The following SUGCT variants were observed in gnomAD, a reference collection of about 807,000 sequenced individuals.
SUGCT encodes the protein succinyl-CoA:glutarate CoA-transferase.
Under a neutral mutation model 55.0 loss-of-function variants are expected in SUGCT, and 41 were observed. The observed-to-expected ratio is 0.74, with a 90% CI of 0.58 to 0.97. SUGCT has a LOEUF of 0.97. SUGCT is among the 50% of genes least tolerant of loss of function. The probability of loss-of-function intolerance (pLI) is 0.00; values close to 1 mark genes in which losing one functional copy is unlikely to be tolerated. For missense variants in SUGCT, 568 were observed against 547.8 expected (o/e 1.04, Z -0.37); for synonymous variants, 187 against 200.4 (o/e 0.93, Z 0.56).
chr7:40,338,794 G>A (rs549893284), intron 9 of SUGCT, among the ~76,000 whole-genome samples: 27 of 152,334 alleles, frequency 1.8e-4, no homozygotes, highest in East Asian at 7.7e-4. Context: ...CTGGCAAGGA[G>A]CTGCATTCCT....
intron 1 of SUGCT, chr7:40,153,303 C>A: frequency 2.6e-6 from 1 of 390,914 alleles, no homozygotes; most frequent in South Asian, 2.3e-5. Flanking sequence ...AGTTTAGAGT[C>A]ATGTGCAACA....
At chr7:40,898,224 G>A in the SUGCT span, among the ~76,000 whole-genome samples, 1 of 152,198 alleles carries the variant, frequency 6.6e-6, no homozygotes, top group African/African-American at 2.4e-5. Context: ...AACACTCACT[G>A]CAAAGGTTTC....
At chr7:40,748,640 T>G (rs1787860178) in intron 12 of SUGCT, among the ~76,000 whole-genome samples, 1 of 151,690 alleles carries the variant, frequency 6.6e-6, no homozygotes, top group South Asian at 2.1e-4. Context: ...TGAAATAAAT[T>G]AATTTAATAT....
chr7:40,391,179 C>A (rs968391085), intron 9 of SUGCT, among the ~76,000 whole-genome samples: 1 of 152,146 alleles, frequency 6.6e-6, no homozygotes, highest in Non-Finnish European at 1.5e-5. Flanking sequence ...ACCATAAAAA[C>A]CCTAGAAGAA....
intron 7 of SUGCT, among the ~76,000 whole-genome samples, chr7:40,263,951 G>C (rs1791390601): frequency 6.6e-6 from 1 of 151,956 alleles, no homozygotes; most frequent in Admixed American, 6.6e-5. Flanking sequence ...AGCTGGAGGT[G>C]TATGGGTGAA....
chr7:40,192,630 CTTTT>C (rs748789860), intron 5 of SUGCT, among the ~76,000 whole-genome samples: 2 of 134,812 alleles, frequency 1.5e-5, no homozygotes, highest in African/African-American at 2.8e-5. Context: ...TTCTTTCTTT[CTTTT>C]TTTTTTTTTT....
intron 12 of SUGCT, among the ~76,000 whole-genome samples, chr7:40,673,935 A>G (rs967176582): frequency 1.3e-5 from 2 of 152,170 alleles, no homozygotes; most frequent in African/African-American, 4.8e-5. Context: ...CTTTTCTACG[A>G]CCCAAACTCA....
chr7:40,672,624 T>C (rs796623566), intron 12 of SUGCT, among the ~76,000 whole-genome samples: 4 of 152,294 alleles, frequency 2.6e-5, no homozygotes, highest in African/African-American at 9.6e-5. Flanking sequence ...CCTGTGGTTA[T>C]GGGACTGTGG....
chr7:40,620,316 A>G (rs1330379650), intron 12 of SUGCT, among the ~76,000 whole-genome samples: 1 of 152,172 alleles, frequency 6.6e-6, no homozygotes, highest in Non-Finnish European at 1.5e-5. Context: ...TGCTCAAGAT[A>G]TTTAACCTCA....
the SUGCT span, among the ~76,000 whole-genome samples, chr7:40,866,667 G>A: frequency 6.6e-6 from 1 of 151,666 alleles, no homozygotes; most frequent in Non-Finnish European, 1.5e-5. Flanking sequence ...AGTGACTTGG[G>A]CTCCCACCTC....
chr7:40,254,157 TA>T (rs1790637202), intron 7 of SUGCT, among the ~76,000 whole-genome samples: 1 of 152,354 alleles, frequency 6.6e-6, no homozygotes, highest in East Asian at 1.9e-4. Flanking sequence ...CTGTGAAATT[TA>T]TATTGGAAAG....
intron 13 of SUGCT, among the ~76,000 whole-genome samples, chr7:40,816,332 G>T (rs1791668794): frequency 6.6e-6 from 1 of 152,168 alleles, no homozygotes; most frequent in Admixed American, 6.5e-5. Flanking sequence ...GCTAGCCTGG[G>T]GAAAATGTAT....
intron 6 of SUGCT, among the ~76,000 whole-genome samples, chr7:40,210,171 G>T (rs1021871556): frequency 1.3e-5 from 2 of 151,874 alleles, no homozygotes; most frequent in Non-Finnish European, 2.9e-5. Context: ...TCAGCCTCCC[G>T]AGTAGCTGGG....
At chr7:40,916,835 C>G in the SUGCT span, among the ~76,000 whole-genome samples, 3 of 152,214 alleles carry the variant, frequency 2.0e-5, no homozygotes, top group East Asian at 5.8e-4. Flanking sequence ...TTAAAAATGT[C>G]CATACATGAA....
chr7:40,327,703 TG>T (rs1451373196), intron 9 of SUGCT, among the ~76,000 whole-genome samples: 6 of 152,240 alleles, frequency 3.9e-5, no homozygotes, highest in Admixed American at 2.6e-4. Context: ...AGAACTAATG[TG>T]TTTTTATATT....
chr7:40,912,489 A>G, the SUGCT span, among the ~76,000 whole-genome samples: 1 of 152,214 alleles, frequency 6.6e-6, no homozygotes, highest in Non-Finnish European at 1.5e-5. Context: ...GTATAATAAA[A>G]AAGAGCAGCT....
intron 9 of SUGCT, among the ~76,000 whole-genome samples, chr7:40,322,697 C>T (rs4642532): frequency 0.54 from 82,071 of 151,992 alleles, 22,349 homozygotes; most frequent in South Asian, 0.64. Context: ...TGGTGGCTCA[C>T]GCCTGTAATC....
chr7:40,349,538 G>A (rs1388735778), intron 9 of SUGCT, among the ~76,000 whole-genome samples: 1 of 152,100 alleles, frequency 6.6e-6, no homozygotes, highest in Non-Finnish European at 1.5e-5. Context: ...TTCCTACTTG[G>A]TGTTGTCAGT....
chr7:40,933,540 T>C, the SUGCT span, among the ~76,000 whole-genome samples: 1 of 152,220 alleles, frequency 6.6e-6, no homozygotes, highest in Middle Eastern at 3.2e-3. Context: ...TCCAACTTGG[T>C]TCCATTCTTC....
Sources: gnomAD v4.1 joint callset for allele counts (sites outside exome capture counted in the v4.1 genomes callset) on GRCh38, gnomAD v4.1.1 for gene constraint, MANE v1.5 for transcripts, NCBI Gene and HGNC (gene_info 2026-07-23, HGNC 2026-07-21) for gene names.